UBE2T: variants seen among roughly 807,000 people sequenced by gnomAD.
UBE2T encodes the protein ubiquitin-conjugating enzyme E2 T.
Under a neutral mutation model 23.3 loss-of-function variants are expected in UBE2T, and 15 were observed. The ratio of observed to expected loss-of-function variants is 0.64; its 90% CI spans 0.43 to 0.99. The LOEUF is 0.99. Ranked by LOEUF, UBE2T falls within the 50% of genes least tolerant of loss-of-function variation. The pLI is 0.00. For synonymous variants in UBE2T, 67 were observed against 78.4 expected (o/e 0.85, Z 0.77); for missense variants, 197 against 234.9 (o/e 0.84, Z 1.05).
intron 1 of UBE2T, among the ~76,000 whole-genome samples, chr1:202,339,142 T>C (rs1242491077): frequency 1.3e-5 from 2 of 150,068 alleles, no homozygotes; most frequent in Non-Finnish European, 1.5e-5. Flanking sequence ...TGTTACTAGG[T>C]TGTCTGGAAT....
intron 1 of UBE2T, among the ~76,000 whole-genome samples, chr1:202,339,345 G>A (rs1221525926): frequency 6.6e-6 from 1 of 151,250 alleles, no homozygotes; most frequent in Non-Finnish European, 1.5e-5. Flanking sequence ...AGTTATCTAT[G>A]GTTATGTTTC....
chr1:202,341,583 A>AAG (rs1192875120), intron 1 of UBE2T, among the ~76,000 whole-genome samples: 1 of 144,726 alleles, frequency 6.9e-6, no homozygotes, highest in African/African-American at 2.5e-5. Flanking sequence ...GTCTCAAAAA[A>AAG]AAAAAAAAAA....
At position 202,335,503 on chromosome 1, in the gene UBE2T, G is replaced by A. The variant is rs1654860331; in HGVS notation, c.109+143C>T. ...AATGTCAAGCAAACCTTTTATAAAT[G>A]TAAACAAATTTGGGTAGAAAGATGG... On this transcript the variant is annotated intron_variant, in intron 2 of 6. Coordinates refer to ENST00000646651, the MANE Select transcript of UBE2T (RefSeq NM_014176.4). The surrounding 1 kb of genome is among the most constrained non-coding windows in gnomAD (Gnocchi z 4.0). 2.7e-6 allele frequency: 2 copies of A among 744,970 alleles called. No homozygotes were observed. The highest frequency in any genetic ancestry group is 1.9e-5 in the South Asian group (1 of 52,630). The allele number at this position is 744,970 out of a possible 1,614,324, so 46.1% of individuals were successfully genotyped here.
chr1:202,335,942 C>T lies in UBE2T; in HGVS notation c.-64-124G>A. ...TCTTTTTTGTTTTGAGACACAGTTT[C>T]ACTCTGTCACCCAGACTGGAGGGCA... On this transcript the variant is annotated intron_variant, in intron 1 of 6. Transcript: ENST00000646651. The surrounding 1 kb of genome is among the most constrained non-coding windows in gnomAD (Gnocchi z 4.0). The T allele has an allele frequency of 1.8e-6, 1 of 559,866 alleles. No individual in the cohort carries two copies. The highest frequency in any genetic ancestry group is 3.2e-6 in the Non-Finnish European group (1 of 312,948). 34.7% of individuals were successfully genotyped at this position (559,866 alleles called of 1,614,324 possible).
intron 1 of UBE2T, among the ~76,000 whole-genome samples, chr1:202,337,093 CCACCACGCCCGG>C (rs1204741678): frequency 1.3e-5 from 2 of 152,196 alleles, no homozygotes; most frequent in Non-Finnish European, 2.9e-5. Flanking sequence ...CAGACGCCCG[CCACCACGCCCGG>C]CTACTTTTTG....
At chr1:202,337,372 CTT>C (rs1187118990) in intron 1 of UBE2T, among the ~76,000 whole-genome samples, 1 of 152,154 alleles carries the variant, frequency 6.6e-6, no homozygotes, top group Non-Finnish European at 1.5e-5. Flanking sequence ...TACATTTATA[CTT>C]TGTGTATTAA....
Position 202,333,531 on chromosome 1 carries a change from G to C in UBE2T, c.204C>G (p.Ile68Met), listed in dbSNP as rs1190526221. Residue 68 changes from isoleucine (I) to methionine (M), a missense_variant, in exon 4 of 7, where the codon ATC (isoleucine) becomes ATG (methionine). Ile to Met is a conservative substitution (Grantham distance 10, BLOSUM62 1). Coordinates refer to ENST00000646651, the MANE Select transcript of UBE2T (RefSeq NM_014176.4). ...PERYPFEPPQ[I>M]RFLTPIYHPN... Reference sequence around the variant, plus strand: ...GATGATAAATTGGAGTGAGAAATCGGATCTGAGGAGGTTCAAATGGGTACC... The same window carrying C: ...GATGATAAATTGGAGTGAGAAATCGCATCTGAGGAGGTTCAAATGGGTACC... 1 of 1,614,054 alleles carries C rather than the reference G, an allele frequency of 6.2e-7. No homozygotes were observed. The highest frequency in any genetic ancestry group is 2.2e-5 in the East Asian group (1 of 44,862).
At chr1:202,340,467 T>C (rs1289964220) in intron 1 of UBE2T, among the ~76,000 whole-genome samples, 1 of 150,320 alleles carries the variant, frequency 6.7e-6, no homozygotes, top group Non-Finnish European at 1.5e-5. Context: ...TGAGCCAAGA[T>C]CGCGCCACTG....
Position 202,333,545 on chromosome 1 carries a change from C to T in UBE2T, c.190G>A (p.Glu64Lys). The change falls in exon 4 of 7, where the codon GAA becomes AAA. Residue 64 changes from glutamate (E) to lysine (K), a missense_variant. Coordinates refer to ENST00000646651, the MANE Select transcript of UBE2T (RefSeq NM_014176.4). ...EVIIPERYPFEPPQIRFLTPI... is the reference protein window; with the variant it reads ...EVIIPERYPFKPPQIRFLTPI... Reference sequence around the variant, plus strand: ...GTGAGAAATCGGATCTGAGGAGGTTCAAATGGGTACCTATGAAAGAATAAG... The same window carrying T: ...GTGAGAAATCGGATCTGAGGAGGTTTAAATGGGTACCTATGAAAGAATAAG... 6.2e-7 allele frequency: 1 copy of T among 1,613,216 alleles called. No individual in the cohort carries two copies. The highest frequency in any genetic ancestry group is 2.2e-5 in the East Asian group (1 of 44,866).
At chr1:202,338,220 T>C (rs1298534042) in intron 1 of UBE2T, among the ~76,000 whole-genome samples, 1 of 151,708 alleles carries the variant, frequency 6.6e-6, no homozygotes, top group South Asian at 2.1e-4. Context: ...ATCTAATTGA[T>C]TTTTTTTTAT....
chr1:202,333,570 G>A lies in UBE2T; in HGVS notation c.180-15C>T, dbSNP rs1404821886. ...CAAATGGGTACCTATGAAAGAATAA[G>A]ACAACAGATAATTTTCATTACATAA... On this transcript the variant is annotated splice_polypyrimidine_tract_variant and intron_variant, in intron 3 of 6. Coordinates refer to ENST00000646651, the MANE Select transcript of UBE2T (RefSeq NM_014176.4). The A allele has an allele frequency of 6.3e-7, 1 of 1,596,442 alleles. No homozygotes were observed. The highest frequency in any genetic ancestry group is 8.6e-7 in the Non-Finnish European group (1 of 1,167,926).
Position 202,333,031 on chromosome 1 carries a change from C to T in UBE2T, c.447G>A (p.Lys149=), listed in dbSNP as rs1654799816. 4.3e-6 allele frequency: 7 copies of T among 1,609,248 alleles called. No homozygotes were observed. The South Asian group carries it at 7.7e-5, about 18-fold the overall frequency. Residue 149 remains lysine, a synonymous_variant, in exon 6 of 7, where the codon AAG becomes AAA. Coordinates refer to ENST00000646651, the MANE Select transcript of UBE2T (RefSeq NM_014176.4). ...FLKNARQWTE[K]HARQKQKADE... is the part of the protein sequence containing the mutation. ...ATACCTTTTGTTTCTGTCTTGCATG[C>T]TTCTCTGTCCACTGTCTGGCATTCT... is the stretch of plus-strand genomic sequence containing the variant.
At chr1:202,337,297 G>A (rs1036430595) in intron 1 of UBE2T, among the ~76,000 whole-genome samples, 2 of 152,060 alleles carry the variant, frequency 1.3e-5, no homozygotes, top group African/African-American at 2.4e-5. Flanking sequence ...ATCTTTCCAT[G>A]TTGTACATGG....
intron 1 of UBE2T, among the ~76,000 whole-genome samples, chr1:202,341,603 A>G (rs1655007482): frequency 6.7e-6 from 1 of 150,276 alleles, no homozygotes; most frequent in African/African-American, 2.4e-5. Flanking sequence ...AAAAAAAAAA[A>G]AAAGAACAGC....
chr1:202,341,573 G>A (rs1655005878), intron 1 of UBE2T, among the ~76,000 whole-genome samples: 1 of 61,568 alleles, frequency 1.6e-5, no homozygotes, highest in Admixed American at 3.1e-4. Context: ...GCGAGACTCC[G>A]TCTCAAAAAA....
intron 1 of UBE2T, among the ~76,000 whole-genome samples, chr1:202,340,908 G>A (rs1272743908): frequency 6.6e-6 from 1 of 152,168 alleles, no homozygotes; most frequent in Non-Finnish European, 1.5e-5. Flanking sequence ...ATTTTTCAGG[G>A]TATAAAGGTT....
At chr1:202,332,067 T>G in intron 6 of UBE2T, 107 bp from the exon 7 acceptor site, 1 of 1,407,456 alleles carries the variant, frequency 7.1e-7, no homozygotes, top group Non-Finnish European at 9.7e-7. Context: ...TTGCAAGATT[T>G]AAATACAGTA....
Position 202,335,021 on chromosome 1 carries a change from A to G in UBE2T, c.147T>C (p.Gly49=). ...GAATGATAACTTCTAGCTTAAAAAC[A>G]CCTTTCTCATAAGGTGTGTTGGCTC... ...LGGANTPYEK[G]VFKLEVIIPE... The change falls in exon 3 of 7, where the codon GGT becomes GGC. Residue 49 remains glycine, a synonymous_variant. Transcript: ENST00000646651. The surrounding 1 kb of genome is among the most constrained non-coding windows in gnomAD (Gnocchi z 4.0). 1 of 1,612,720 alleles carries G rather than the reference A, an allele frequency of 6.2e-7. No homozygotes were observed. Among genetic ancestry groups the G allele is most frequent in the East Asian group, 2.2e-5 (1 of 44,858 alleles).
Position 202,335,094 on chromosome 1 carries a change from A to G in UBE2T, c.110-36T>C. ...AAAAGAAAGAAAAAGTTAAAAGGGA[A>G]TCAGATCATTTGAATTACTACCATA... On this transcript the variant is annotated intron_variant, in intron 2 of 6. Coordinates refer to ENST00000646651, the MANE Select transcript of UBE2T (RefSeq NM_014176.4). This position sits in a 1 kb window ranked among gnomAD's most constrained non-coding sequence, Gnocchi z 4.0. 6.5e-7 allele frequency: 1 copy of G among 1,545,452 alleles called. No homozygotes were observed. Among genetic ancestry groups the G allele is most frequent in the Non-Finnish European group, 8.8e-7 (1 of 1,132,202 alleles).
Sources: gnomAD v4.1 joint callset for allele counts (sites outside exome capture counted in the v4.1 genomes callset) on GRCh38, gnomAD v4.1.1 for gene constraint, Gnocchi (gnomAD v3.1) non-coding constraint, MANE v1.5 for transcripts, NCBI Gene and HGNC (gene_info 2026-07-23, HGNC 2026-07-21) for gene names.